SMURF2: variants seen among roughly 807,000 people sequenced by gnomAD.
The protein encoded by SMURF2 is SMAD specific E3 ubiquitin protein ligase 2, also known as E3 ubiquitin-protein ligase SMURF2.
In SMURF2, 48 loss-of-function variants were observed where a neutral mutation model predicts 109.6. The observed-to-expected ratio is 0.44, with a 90% CI of 0.35 to 0.56. The LOEUF (loss-of-function observed/expected upper bound fraction) is 0.56, where lower values mean the gene tolerates loss of function less well. Among genes scored for constraint, SMURF2 ranks in the 20% least tolerant of loss-of-function variants. The pLI is 0.01. For synonymous variants in SMURF2, 288 were observed against 317.1 expected (o/e 0.91, Z 0.97); for missense variants, 575 against 909.0 (o/e 0.63, Z 4.72).
chr17:64,558,242 A>G (rs926974730), intron 12 of SMURF2, among the ~76,000 whole-genome samples: 2 of 152,146 alleles, frequency 1.3e-5, no homozygotes, highest in East Asian at 1.9e-4. Flanking sequence ...TCTACAAAAA[A>G]TACAAAAATT....
At chr17:64,627,779 T>A (rs1970287199) in intron 1 of SMURF2, among the ~76,000 whole-genome samples, 1 of 152,176 alleles carries the variant, frequency 6.6e-6, no homozygotes. Flanking sequence ...AGTTCCCTGC[T>A]TACCATCCAA....
rs1969305868 is a variant in SMURF2, at chr17:64,566,561, G to GTTTGTTTTTT, written c.1017-3596_1017-3595insAAAAAACAAA. On this transcript the variant is annotated intron_variant, in intron 10 of 18. Coordinates refer to ENST00000262435, the MANE Select transcript of SMURF2 (RefSeq NM_022739.4). ...GATGTAGAAATGCTTAAGCTTTCTG[G>GTTTGTTTTTT]TTTTTTTTTTTTTTTTTTTTTTTTT... Among the ~76,000 whole-genome samples the GTTTGTTTTTT allele has an allele frequency of 2.9e-3, 129 of 43,818 alleles. 10 individuals are homozygous for GTTTGTTTTTT. Among genetic ancestry groups the GTTTGTTTTTT allele is most frequent in the African/African-American group, 8.9e-3 (119 of 13,322 alleles). The allele number at this position is 43,818 out of a possible 152,430, so 28.7% of individuals were successfully genotyped here. A position where few individuals can be genotyped will look rare whatever the true frequency, so the allele number is the denominator to read the frequency against.
rs563615271 is a variant in SMURF2, at chr17:64,652,311, C to T, written c.52+9518G>A. On this transcript the variant is annotated intron_variant, in intron 1 of 18. Coordinates refer to ENST00000262435, the MANE Select transcript of SMURF2 (RefSeq NM_022739.4). ...ATTGGCTGAACAAATTAAACAGCCG[C>T]TCCAAAGCACTACAAGATCCTAAAT... is the stretch of plus-strand genomic sequence containing the variant. Among the ~76,000 whole-genome samples the T allele has an allele frequency of 8.1e-4, 124 of 152,262 alleles. 2 individuals carry two copies. The highest frequency in any genetic ancestry group is 9.1e-4 in the Non-Finnish European group (62 of 68,026).
intron 1 of SMURF2, among the ~76,000 whole-genome samples, chr17:64,617,661 A>AT (rs1555690217): frequency 6.6e-6 from 1 of 151,800 alleles, no homozygotes; most frequent in East Asian, 1.9e-4. Context: ...AATGTCTAAA[A>AT]TTTTTTTGCA....
intron 1 of SMURF2, among the ~76,000 whole-genome samples, chr17:64,645,670 C>T (rs184747930): frequency 6.4e-4 from 98 of 152,296 alleles, no homozygotes; most frequent in African/African-American, 2.2e-3. Context: ...GACAGGGTAT[C>T]GCTATGTTGC....
chr17:64,638,336 G>A (rs1970450114), intron 1 of SMURF2, among the ~76,000 whole-genome samples: 2 of 152,146 alleles, frequency 1.3e-5, no homozygotes. Flanking sequence ...AAAGTGCTGG[G>A]ATTACAGGCA....
At chr17:64,622,729 T>C (rs1375484508) in intron 1 of SMURF2, among the ~76,000 whole-genome samples, 1 of 152,194 alleles carries the variant, frequency 6.6e-6, no homozygotes, top group South Asian at 2.1e-4. Context: ...GCTAAAGTAG[T>C]GTTTGTCAAG....
intron 1 of SMURF2, among the ~76,000 whole-genome samples, chr17:64,656,329 T>C (rs1970704794): frequency 6.6e-6 from 1 of 152,176 alleles, no homozygotes; most frequent in Admixed American, 6.5e-5. Flanking sequence ...AAGTCTCAGG[T>C]AGATCAATAA....
At chr17:64,573,908 A>T (rs1031571492) in intron 9 of SMURF2, among the ~76,000 whole-genome samples, 3 of 152,230 alleles carry the variant, frequency 2.0e-5, no homozygotes, top group African/African-American at 7.2e-5. Context: ...GTTCTCACTT[A>T]TAAGTAGGAG....
At chr17:64,628,836 C>A (rs1179144109) in intron 1 of SMURF2, among the ~76,000 whole-genome samples, 5 of 152,144 alleles carry the variant, frequency 3.3e-5, no homozygotes, top group Non-Finnish European at 7.4e-5. Context: ...ATGAGGACCT[C>A]ACACTACTCT....
chr17:64,638,840 A>G (rs1179424034), intron 1 of SMURF2, among the ~76,000 whole-genome samples: 2 of 152,210 alleles, frequency 1.3e-5, no homozygotes, highest in East Asian at 3.9e-4. Flanking sequence ...TGGGATGGCT[A>G]GTAATACCTT....
At chr17:64,627,599 C>T (rs1432473435) in intron 1 of SMURF2, among the ~76,000 whole-genome samples, 2 of 152,290 alleles carry the variant, frequency 1.3e-5, no homozygotes, top group South Asian at 4.1e-4. Context: ...ATCCTCATAT[C>T]CAAATGACTA....
Position 64,575,298 on chromosome 17 carries a change from C to A in SMURF2, c.857+3194G>T, listed in dbSNP as rs182917826. ...CCTCCTGAGTAGCTGGGATTACAGG[C>A]ACATGCCACCATGCCTGGCTAATTT... is the stretch of plus-strand genomic sequence containing the variant. On this transcript the variant is annotated intron_variant, in intron 9 of 18. Coordinates refer to ENST00000262435, the MANE Select transcript of SMURF2 (RefSeq NM_022739.4). 8.9e-4 allele frequency among the ~76,000 whole-genome samples: 135 copies of A among 151,998 alleles called. No homozygotes were observed. In the East Asian group the frequency reaches 0.011, roughly 13 times the overall value.
chr17:64,649,387 C>T (rs1970605465), intron 1 of SMURF2, among the ~76,000 whole-genome samples: 1 of 152,140 alleles, frequency 6.6e-6, no homozygotes, highest in Non-Finnish European at 1.5e-5. Flanking sequence ...AAGAGTTCAT[C>T]CAAACAGCTC....
chr17:64,583,521 G>C lies in SMURF2; in HGVS notation c.509C>G (p.Ser170Cys). ...PDGWEERRTA[S>C]GRIQYLNHIT... ...ATGGTTTAGATACTGGATTCTTCCAGAGGCGGTTCTCCTTTCTTCCCAGCT... is the reference window on the plus strand; with the variant it reads ...ATGGTTTAGATACTGGATTCTTCCACAGGCGGTTCTCCTTTCTTCCCAGCT... The change falls in exon 7 of 19, where the codon TCT (serine) becomes TGT (cysteine). Residue 170 changes from serine (S) to cysteine (C), a missense_variant. Ser to Cys is a moderately radical substitution (Grantham distance 112). Coordinates refer to ENST00000262435, the MANE Select transcript of SMURF2 (RefSeq NM_022739.4). The C allele has an allele frequency of 1.2e-6, 2 of 1,614,012 alleles. No individual in the cohort carries two copies. The highest frequency in any genetic ancestry group is 1.7e-6 in the Non-Finnish European group (2 of 1,179,892).
At chr17:64,632,040 C>T (rs868938722) in intron 1 of SMURF2, among the ~76,000 whole-genome samples, 15 of 146,770 alleles carry the variant, frequency 1.0e-4, no homozygotes, top group African/African-American at 3.8e-4. Flanking sequence ...TCACTGCCAA[C>T]CTCTGCCTCC....
At chr17:64,601,464 G>A (rs1328204879) in intron 2 of SMURF2, among the ~76,000 whole-genome samples, 7 of 152,204 alleles carry the variant, frequency 4.6e-5, no homozygotes, top group African/African-American at 1.4e-4. Flanking sequence ...GCATCACTAA[G>A]TATCAGGGAA....
chr17:64,648,716 G>A (rs1555693210), intron 1 of SMURF2, among the ~76,000 whole-genome samples: 1 of 152,098 alleles, frequency 6.6e-6, no homozygotes, highest in African/African-American at 2.4e-5. Flanking sequence ...AGGCTATAGT[G>A]AGCCATAAGC....
At chr17:64,637,482 A>G (rs1356070462) in intron 1 of SMURF2, among the ~76,000 whole-genome samples, 1 of 150,268 alleles carries the variant, frequency 6.7e-6, no homozygotes, top group African/African-American at 2.5e-5. Context: ...ATCCACTTTG[A>G]GTTAATTTTT....
Sources: gnomAD v4.1 joint callset for allele counts (sites outside exome capture counted in the v4.1 genomes callset) on GRCh38, gnomAD v4.1.1 for gene constraint, MANE v1.5 for transcripts, NCBI Gene and HGNC (gene_info 2026-07-23, HGNC 2026-07-21) for gene names.